Variants in CCSER1 observed in about 807,000 individuals in gnomAD.
CCSER1 encodes the protein serine-rich coiled-coil domain-containing protein 1.
Under a neutral mutation model 82.0 loss-of-function variants are expected in CCSER1, and 41 were observed. The ratio of observed to expected loss-of-function variants is 0.50; its 90% CI spans 0.39 to 0.65. The LOEUF (loss-of-function observed/expected upper bound fraction) is 0.65, where lower values mean the gene tolerates loss of function less well. Ranked by LOEUF, CCSER1 falls within the 30% of genes least tolerant of loss-of-function variation. The pLI is 0.00. For synonymous variants in CCSER1, 414 were observed against 383.9 expected (o/e 1.08, Z -0.92); for missense variants, 1,119 against 1,064.2 (o/e 1.05, Z -0.72).
chr4:91,325,367 G>A (rs1031919341), intron 10 of CCSER1: 1 of 337,000 alleles, frequency 3.0e-6, no homozygotes, highest in African/African-American at 2.2e-5. Context: ...CTGTTCATAA[G>A]TATGCCATGT....
chr4:90,425,318 G>C lies in CCSER1; in HGVS notation c.1603+25189G>C, dbSNP rs149687073. Among the ~76,000 whole-genome samples the C allele has an allele frequency of 2.8e-3, 430 of 152,314 alleles. 1 individual carries two copies. Among genetic ancestry groups the C allele is most frequent in the African/African-American group, 9.7e-3 (405 of 41,574 alleles). On this transcript the variant is annotated intron_variant, in intron 4 of 10. Coordinates refer to ENST00000509176, the MANE Select transcript of CCSER1 (RefSeq NM_001145065.2). The stretch of plus-strand genomic sequence containing the variant: ...TGAAAATGCATGAAGGAGAGAGAGA[G>C]AGAGAGAGGAAGAGAGAGACAGAGA...
At chr4:91,455,386 T>C (rs1756103182) in intron 10 of CCSER1, among the ~76,000 whole-genome samples, 1 of 152,006 alleles carries the variant, frequency 6.6e-6, no homozygotes, top group African/African-American at 2.4e-5. Context: ...TTTTGGAAAA[T>C]GATTAAATCA....
intron 10 of CCSER1, among the ~76,000 whole-genome samples, chr4:91,156,689 T>C (rs944757798): frequency 7.9e-5 from 12 of 151,878 alleles, no homozygotes; most frequent in African/African-American, 2.9e-4. Context: ...CTTCTTCATC[T>C]TTCTGAAATC....
chr4:90,141,020 A>ATATCTGTCTATCTATCTATCTATC (rs1553937164), intron 1 of CCSER1, among the ~76,000 whole-genome samples: 4 of 145,874 alleles, frequency 2.7e-5, no homozygotes, highest in Admixed American at 1.4e-4. Flanking sequence ...ACCCAGCAAG[A>ATATCTGTCTATCTATCTATCTATC]TATCTATCTA....
intron 7 of CCSER1, among the ~76,000 whole-genome samples, chr4:90,784,632 A>C (rs532974059): frequency 6.6e-6 from 1 of 152,164 alleles, no homozygotes; most frequent in Non-Finnish European, 1.5e-5. Context: ...CATATACCTC[A>C]GTATCCATAT....
chr4:91,031,645 C>T (rs1169778818), intron 9 of CCSER1, among the ~76,000 whole-genome samples: 1 of 152,000 alleles, frequency 6.6e-6, no homozygotes, highest in Non-Finnish European at 1.5e-5. Flanking sequence ...GTCTTTTAGG[C>T]CACTTCTCTC....
rs181516076 is a variant in CCSER1, at chr4:90,130,780, C to T, written c.-42+2949C>T. 1.9e-3 allele frequency among the ~76,000 whole-genome samples: 290 copies of T among 151,774 alleles called. 4 individuals carry two copies. Among genetic ancestry groups the T allele is most frequent in the Non-Finnish European group, 4.7e-4 (32 of 67,934 alleles). ...TTGGGACTACAGGCGCATGCCACCC[C>T]GCCCAGCTAAATTTTGAATTTCTAG... On this transcript the variant is annotated intron_variant, in intron 1 of 10. Coordinates refer to ENST00000509176, the MANE Select transcript of CCSER1 (RefSeq NM_001145065.2).
intron 9 of CCSER1, among the ~76,000 whole-genome samples, chr4:90,970,060 G>A (rs556419937): frequency 1.3e-5 from 2 of 151,690 alleles, no homozygotes; most frequent in East Asian, 1.9e-4. Flanking sequence ...ACTGCAAAAT[G>A]TTCAGAACAA....
chr4:90,856,292 T>C (rs1764455610), intron 8 of CCSER1, among the ~76,000 whole-genome samples: 2 of 151,028 alleles, frequency 1.3e-5, no homozygotes, highest in Admixed American at 6.7e-5. Flanking sequence ...TACTTATAAA[T>C]TGTTATTGCT....
chr4:91,440,738 A>G (rs975732560), intron 10 of CCSER1, among the ~76,000 whole-genome samples: 28 of 152,216 alleles, frequency 1.8e-4, no homozygotes, highest in Non-Finnish European at 3.5e-4. Context: ...CTAATAAAGA[A>G]GAAAAGAGAG....
intron 4 of CCSER1, among the ~76,000 whole-genome samples, chr4:90,427,520 G>C (rs182422530): frequency 1.0e-3 from 151 of 151,442 alleles, no homozygotes; most frequent in African/African-American, 3.5e-3. Context: ...ATACTACAAG[G>C]CCCTTCTATG....
In CCSER1 at chr4:90,849,180, T is replaced by C. The variant is rs1763551382; in HGVS notation, c.2094+33335T>C. Among the ~76,000 whole-genome samples, 8 of 151,998 alleles carry C rather than the reference T, an allele frequency of 5.3e-5. No individual in the cohort carries two copies. The South Asian group carries it at 1.7e-3, about 32-fold the overall frequency. The stretch of plus-strand genomic sequence containing the variant: ...TTGGAGGGCTCAGAAGACAAGGAAA[T>C]GGGGGAAAGTTTGGAACTTCCTAGA... On this transcript the variant is annotated intron_variant, in intron 8 of 10. Transcript: ENST00000509176.
intron 10 of CCSER1, among the ~76,000 whole-genome samples, chr4:91,195,677 T>C (rs111379228): frequency 1.3e-5 from 2 of 152,156 alleles, no homozygotes; most frequent in African/African-American, 4.8e-5. Flanking sequence ...TTCTTATTAG[T>C]TTAAAAAAAC....
intron 9 of CCSER1, among the ~76,000 whole-genome samples, chr4:90,939,954 T>C (rs1731397875): frequency 6.6e-6 from 1 of 152,088 alleles, no homozygotes; most frequent in African/African-American, 2.4e-5. Context: ...TCTTATTTTA[T>C]ACTTAAAACC....
intron 4 of CCSER1, among the ~76,000 whole-genome samples, chr4:90,444,837 C>T (rs1002750479): frequency 6.6e-6 from 1 of 151,970 alleles, no homozygotes; most frequent in Non-Finnish European, 1.5e-5. Context: ...TCTCAACCAA[C>T]TTTTAACTGA....
chr4:91,186,008 G>A (rs988747456), intron 10 of CCSER1, among the ~76,000 whole-genome samples: 1 of 152,118 alleles, frequency 6.6e-6, no homozygotes, highest in African/African-American at 2.4e-5. Context: ...GATCTGGGGG[G>A]TGTATTCTAA....
At chr4:90,222,585 A>G (rs536518735) in intron 1 of CCSER1, among the ~76,000 whole-genome samples, 1 of 152,136 alleles carries the variant, frequency 6.6e-6, no homozygotes, top group Non-Finnish European at 1.5e-5. Flanking sequence ...CGTTTATTTT[A>G]TAGTGGAATT....
chr4:90,898,774 C>T (rs1371424873), intron 8 of CCSER1, among the ~76,000 whole-genome samples: 1 of 151,700 alleles, frequency 6.6e-6, no homozygotes, highest in Non-Finnish European at 1.5e-5. Flanking sequence ...TGGCTTTTTT[C>T]TGGGTTCTCT....
In CCSER1 at chr4:90,314,439, G is replaced by A. The variant is rs184524083; in HGVS notation, c.1509+1392G>A. ...ATTTTCAGTATTTCTTCATGGAGAG[G>A]CATTTATATTAATAGGGTTACACTA... is the stretch of plus-strand genomic sequence containing the variant. On this transcript the variant is annotated intron_variant, in intron 3 of 10. Coordinates refer to ENST00000509176, the MANE Select transcript of CCSER1 (RefSeq NM_001145065.2). Among the ~76,000 whole-genome samples the A allele has an allele frequency of 9.9e-5, 15 of 152,116 alleles. No homozygotes were observed. In the East Asian group the frequency reaches 2.7e-3, roughly 27 times the overall value.
Sources: allele counts gnomAD v4.1 joint callset (sites outside exome capture counted in the v4.1 genomes callset), GRCh38; gene constraint gnomAD v4.1.1; transcripts MANE v1.5; gene names NCBI Gene and HGNC (gene_info 2026-07-23, HGNC 2026-07-21).